The following PDE1C variants were observed in gnomAD, a reference collection of about 807,000 sequenced individuals.
PDE1C encodes the protein phosphodiesterase 1C, also known as dual specificity calcium/calmodulin-dependent 3',5'-cyclic nucleotide phosphodiesterase 1C.
A neutral mutation model predicts 93.1 loss-of-function variants in PDE1C; 62 were observed. The ratio of observed to expected loss-of-function variants is 0.67; its 90% CI spans 0.54 to 0.82. The LOEUF is 0.82. PDE1C is among the 40% of genes least tolerant of loss of function. The pLI, the probability that PDE1C is intolerant of heterozygous loss-of-function variation, is 0.00. For synonymous variants in PDE1C, 325 were observed against 310.1 expected (o/e 1.05, Z -0.50); for missense variants, 742 against 884.6 (o/e 0.84, Z 2.04).
intron 1 of PDE1C, among the ~76,000 whole-genome samples, chr7:32,245,263 A>G (rs1808841157): frequency 6.6e-6 from 1 of 152,136 alleles, no homozygotes; most frequent in African/African-American, 2.4e-5. Context: ...CATCAACCCA[A>G]GCAGGCAGAC....
At chr7:31,984,402 T>C (rs1435901199) in intron 2 of PDE1C, among the ~76,000 whole-genome samples, 1 of 152,100 alleles carries the variant, frequency 6.6e-6, no homozygotes, top group Non-Finnish European at 1.5e-5. Flanking sequence ...TTCCACAAAA[T>C]GGGTCCCTGG....
At chr7:31,773,729 C>A (rs1795650981) in intron 17 of PDE1C, among the ~76,000 whole-genome samples, 1 of 152,080 alleles carries the variant, frequency 6.6e-6, no homozygotes, top group Non-Finnish European at 1.5e-5. Context: ...GCTGCTCACT[C>A]ACGCACCACG....
chr7:32,308,422 G>A (rs1390984003), intron 1 of PDE1C, among the ~76,000 whole-genome samples: 1 of 152,254 alleles, frequency 6.6e-6, no homozygotes, highest in Non-Finnish European at 1.5e-5. Context: ...CTGAGAACGG[G>A]CAGACAGCCT....
At chr7:32,092,069 G>C (rs986596250) in intron 3 of PDE1C, among the ~76,000 whole-genome samples, 1 of 152,134 alleles carries the variant, frequency 6.6e-6, no homozygotes, top group African/African-American at 2.4e-5. Context: ...TTCTAAGAGG[G>C]CAGAAGCCTG....
the PDE1C span, among the ~76,000 whole-genome samples, chr7:31,650,616 C>T: frequency 3.3e-5 from 5 of 152,180 alleles, no homozygotes; most frequent in Non-Finnish European, 7.3e-5. Flanking sequence ...GTGGATGAAG[C>T]TGATCCTGCA....
At chr7:32,086,542 G>A (rs112342738) in intron 3 of PDE1C, among the ~76,000 whole-genome samples, 93,207 of 150,042 alleles carry the variant, frequency 0.62, 29,201 homozygotes, top group African/African-American at 0.71. Context: ...AGCCTGCATC[G>A]CCAAGTCAAT....
rs1805368349 is a variant in PDE1C, at chr7:31,938,344, G to A, written c.129-57484C>T. On this transcript the variant is annotated intron_variant, in intron 2 of 17. Coordinates refer to ENST00000396191, the MANE Select transcript of PDE1C (RefSeq NM_001191057.4). Reference sequence around the variant, plus strand: ...TTTCCCAAACCATTCACATATTTGGGTAATTCCAAATAATTTATCTGCAGC... The same window carrying A: ...TTTCCCAAACCATTCACATATTTGGATAATTCCAAATAATTTATCTGCAGC... Among the ~76,000 whole-genome samples the A allele has an allele frequency of 3.0e-5, 4 of 132,240 alleles. 1 individual carries two copies. The South Asian group carries it at 1.0e-3, about 34-fold the overall frequency. 86.8% of individuals were successfully genotyped at this position (132,240 alleles called of 152,430 possible). A position where few individuals can be genotyped will look rare whatever the true frequency, so the allele number is the denominator to read the frequency against.
At chr7:32,276,705 C>T (rs955573328) in intron 1 of PDE1C, among the ~76,000 whole-genome samples, 4 of 152,112 alleles carry the variant, frequency 2.6e-5, no homozygotes, top group African/African-American at 9.7e-5. Context: ...TAATAACTAT[C>T]TCACAGGGAT....
At chr7:31,677,808 T>C in the PDE1C span, among the ~76,000 whole-genome samples, 1 of 152,082 alleles carries the variant, frequency 6.6e-6, no homozygotes, top group Non-Finnish European at 1.5e-5. Flanking sequence ...TCATAAAAAC[T>C]TAGAGATACA....
chr7:32,359,401 A>ATATATG (rs5883341), intron 1 of PDE1C, among the ~76,000 whole-genome samples: 2,282 of 151,356 alleles, frequency 0.015, 34 homozygotes, highest in South Asian at 0.059. Flanking sequence ...TTATATGTGA[A>ATATATG]TATATGTATA....
At chr7:31,995,188 C>G (rs1784570113) in intron 2 of PDE1C, among the ~76,000 whole-genome samples, 3 of 152,104 alleles carry the variant, frequency 2.0e-5, no homozygotes, top group African/African-American at 7.2e-5. Flanking sequence ...TGAGTACTTC[C>G]TGTATTCCCT....
intron 3 of PDE1C, among the ~76,000 whole-genome samples, chr7:32,149,126 G>C (rs1327618355): frequency 1.3e-5 from 2 of 152,098 alleles, no homozygotes; most frequent in Non-Finnish European, 2.9e-5. Flanking sequence ...ATTAAACACT[G>C]CAGAGTACCC....
At chr7:31,691,861 G>A in the PDE1C span, among the ~76,000 whole-genome samples, 6 of 149,050 alleles carry the variant, frequency 4.0e-5, no homozygotes, top group African/African-American at 1.2e-4. Flanking sequence ...TATTCAATTC[G>A]GGTTCAAAGG....
At chr7:31,895,080 A>T (rs1296728850) in intron 2 of PDE1C, among the ~76,000 whole-genome samples, 1 of 152,182 alleles carries the variant, frequency 6.6e-6, no homozygotes. Context: ...TCTGAGATAG[A>T]GGAAGGCCAC....
At chr7:31,750,094 A>G (rs951508173), downstream of PDE1C, among the ~76,000 whole-genome samples, 4 of 152,210 alleles carry the variant, frequency 2.6e-5, no homozygotes, top group African/African-American at 9.6e-5. Context: ...AACCTTTAGG[A>G]AAAGTCTGCT....
At chr7:32,205,496 A>C (rs1805370856) in intron 2 of PDE1C, among the ~76,000 whole-genome samples, 1 of 152,024 alleles carries the variant, frequency 6.6e-6, no homozygotes, top group Non-Finnish European at 1.5e-5. Flanking sequence ...AGCACTCTGT[A>C]AAATGGACCA....
At chr7:31,966,830 G>C (rs1348955692) in intron 2 of PDE1C, among the ~76,000 whole-genome samples, 4 of 152,128 alleles carry the variant, frequency 2.6e-5, no homozygotes, top group South Asian at 2.1e-4. Context: ...CAACTACATG[G>C]AAACTGAACA....
intron 11 of PDE1C, among the ~76,000 whole-genome samples, chr7:31,832,538 G>A (rs1052823045): frequency 6.6e-6 from 1 of 152,102 alleles, no homozygotes. Context: ...ACTCTATAGT[G>A]CCATTGAGAT....
intron 2 of PDE1C, among the ~76,000 whole-genome samples, chr7:31,884,249 G>T (rs1048759480): frequency 1.1e-4 from 16 of 150,922 alleles, no homozygotes; most frequent in African/African-American, 3.9e-4. Context: ...AAAGACAGAA[G>T]AAAATACAGC....
Sources: allele counts gnomAD v4.1 joint callset (sites outside exome capture counted in the v4.1 genomes callset), GRCh38; gene constraint gnomAD v4.1.1; transcripts MANE v1.5; gene names NCBI Gene and HGNC (gene_info 2026-07-23, HGNC 2026-07-21).